Variants in HMCN1 observed in about 807,000 individuals in gnomAD.
HMCN1 encodes hemicentin-1.
In HMCN1, 321 loss-of-function variants were observed where a neutral mutation model predicts 625.9. The ratio of observed to expected loss-of-function variants is 0.51; its 90% CI spans 0.47 to 0.56. HMCN1 has a LOEUF of 0.56. Ranked by LOEUF, HMCN1 falls within the 20% of genes least tolerant of loss-of-function variation. The probability of loss-of-function intolerance (pLI) is 0.00; values close to 1 mark genes in which losing one functional copy is unlikely to be tolerated. For missense variants in HMCN1, 6,588 were observed against 6,887.3 expected (o/e 0.96, Z 1.54); for synonymous variants, 2,425 against 2,417.6 (o/e 1.00, Z -0.09).
At chr1:186,134,128 A>T (rs1296949592) in intron 86 of HMCN1, among the ~76,000 whole-genome samples, 1 of 152,184 alleles carries the variant, frequency 6.6e-6, no homozygotes, top group African/African-American at 2.4e-5. Context: ...AGTCAAAAAT[A>T]TAATTTGGTT....
Position 185,797,965 on chromosome 1 carries a change from C to CAAAAA in HMCN1, c.269-48034_269-48030dup, listed in dbSNP as rs35031310. On this transcript the variant is annotated intron_variant, in intron 1 of 106. Transcript: ENST00000271588. ...TGGGCGACAGAGCGAGACTCCGTCTCAAAAAAAAAAAAAAAAAAAAAAAAA... is the reference window on the plus strand; with the variant it reads ...TGGGCGACAGAGCGAGACTCCGTCTCAAAAAAAAAAAAAAAAAAAAAAAAAAAAAA... Among the ~76,000 whole-genome samples, 68 of 13,664 alleles carry CAAAAA rather than the reference C, an allele frequency of 5.0e-3. 12 individuals are homozygous for CAAAAA. The highest frequency in any genetic ancestry group is 0.021 in the East Asian group (8 of 376). 9.0% of individuals were successfully genotyped at this position (13,664 alleles called of 152,430 possible). A position where few individuals can be genotyped will look rare whatever the true frequency, so the allele number is the denominator to read the frequency against.
At chr1:186,121,179 C>CA (rs1416075678) in intron 80 of HMCN1, among the ~76,000 whole-genome samples, 1 of 152,004 alleles carries the variant, frequency 6.6e-6, no homozygotes, top group Non-Finnish European at 1.5e-5. Context: ...TGAGCAAGCC[C>CA]AAGGCAAGCA....
intron 97 of HMCN1, among the ~76,000 whole-genome samples, chr1:186,157,590 C>T (rs1373306262): frequency 3.3e-5 from 5 of 152,190 alleles, no homozygotes; most frequent in Non-Finnish European, 7.4e-5. Context: ...CACCCACTAA[C>T]TCCCCCCACC....
At chr1:186,156,330 A>G (rs1372938914) in intron 97 of HMCN1, among the ~76,000 whole-genome samples, 1 of 152,248 alleles carries the variant, frequency 6.6e-6, no homozygotes, top group Non-Finnish European at 1.5e-5. Context: ...CTTAATACAT[A>G]CAAAGGCGCT....
At chr1:186,173,159 C>A (rs1167363427) in intron 102 of HMCN1, among the ~76,000 whole-genome samples, 2 of 152,044 alleles carry the variant, frequency 1.3e-5, no homozygotes, top group Non-Finnish European at 2.9e-5. Context: ...TACAGTTTTT[C>A]TTTTAAAAAT....
Position 186,166,912 on chromosome 1 carries a change from C to G in HMCN1, c.15544C>G (p.Arg5182Gly). The change falls in exon 100 of 107, where the codon CGA (arginine) becomes GGA (glycine). Residue 5182 changes from arginine (R) to glycine (G), a missense_variant. Transcript: ENST00000271588. ...RCVVRCGSGF[R>G]RTSDGLSCQD... ...TGTGGTCCGTTGTGGAAGTGGCTTT[C>G]GAAGAACCTCTGATGGGCTGAGTTG... 3 of 1,614,058 alleles carry G rather than the reference C, an allele frequency of 1.9e-6. No individual in the cohort carries two copies. The highest frequency in any genetic ancestry group is 2.5e-6 in the Non-Finnish European group (3 of 1,179,992).
rs771591710 is a variant in HMCN1, at chr1:186,153,719, T to C, written c.15019-31T>C. The C allele has an allele frequency of 7.6e-6, 12 of 1,582,988 alleles. No individual in the cohort carries two copies. In the African/African-American group the frequency reaches 1.5e-4, roughly 20 times the overall value. ...GGGAAAAAAATTAGTATGAGCCATA[T>C]TGATCTTCAAATCCACATTGTTCTC... On this transcript the variant is annotated intron_variant, in intron 96 of 106. Coordinates refer to ENST00000271588, the MANE Select transcript of HMCN1 (RefSeq NM_031935.3).
At chr1:186,116,227 G>A (rs1311342045) in intron 75 of HMCN1, among the ~76,000 whole-genome samples, 1 of 152,036 alleles carries the variant, frequency 6.6e-6, no homozygotes, top group Non-Finnish European at 1.5e-5. Flanking sequence ...GAATTAAAAG[G>A]TGTGTCAAAT....
At chr1:185,838,031 C>A (rs981464675) in intron 1 of HMCN1, among the ~76,000 whole-genome samples, 1 of 152,190 alleles carries the variant, frequency 6.6e-6, no homozygotes, top group African/African-American at 2.4e-5. Context: ...GGCATGGAGA[C>A]TGAGAGGGAG....
intron 2 of HMCN1, among the ~76,000 whole-genome samples, chr1:185,849,186 G>A (rs1662013979): frequency 6.6e-6 from 1 of 152,058 alleles, no homozygotes; most frequent in African/African-American, 2.4e-5. Context: ...CTTGCATAGA[G>A]CTTCCCCATA....
intron 45 of HMCN1, among the ~76,000 whole-genome samples, chr1:186,057,003 A>G (rs1465069807): frequency 2.0e-5 from 3 of 150,876 alleles, no homozygotes; most frequent in Admixed American, 1.3e-4. Context: ...AGATTGAGGA[A>G]GAAGTGACAT....
chr1:186,135,795 T>G (rs941683968), intron 86 of HMCN1, among the ~76,000 whole-genome samples: 1 of 152,208 alleles, frequency 6.6e-6, no homozygotes. Flanking sequence ...AGTGGCATGC[T>G]TTTGTTTGAT....
In HMCN1 at chr1:186,123,170, C is replaced by G; in HGVS notation, c.12449C>G (p.Ala4150Gly). The G allele has an allele frequency of 6.2e-7, 1 of 1,614,000 alleles. No homozygotes were observed. Among genetic ancestry groups the G allele is most frequent in the Non-Finnish European group, 8.5e-7 (1 of 1,179,942 alleles). The change falls in exon 81 of 107, where the codon GCA (alanine) becomes GGA (glycine). Residue 4150 changes from alanine (A) to glycine (G), a missense_variant. Physicochemically the swap from Ala to Gly is moderately conservative, Grantham distance 60 (BLOSUM62 0). This residue lies in a region of HMCN1 where 1,954 missense variants were observed against 2,013.1 expected (regional missense o/e 0.97). Transcript: ENST00000271588. ...GATGCTGGCCATTACACGTGCATGG[C>G]AGCCAATGTAGCAGGATCAAGCAGC... is the stretch of plus-strand genomic sequence containing the variant. ...PGDAGHYTCM[A>G]ANVAGSSSTS... is the part of the protein sequence containing the mutation.
At chr1:185,924,206 T>C (rs1667147615) in intron 8 of HMCN1, among the ~76,000 whole-genome samples, 3 of 140,902 alleles carry the variant, frequency 2.1e-5, no homozygotes, top group Middle Eastern at 3.7e-3. Context: ...GACTGAACTC[T>C]GACCCAATCT....
At chr1:186,063,066 G>GTATATATATATATATATATATA (rs1491400415) in intron 48 of HMCN1, among the ~76,000 whole-genome samples, 1 of 29,940 alleles carries the variant, frequency 3.3e-5, no homozygotes, top group Non-Finnish European at 6.0e-5. Flanking sequence ...GTGTGTGTGT[G>GTATATATATATATATATATATA]CATATATATA....
At chr1:186,100,737 CACAGT>C (rs143963096) in intron 68 of HMCN1, among the ~76,000 whole-genome samples, 14 of 152,240 alleles carry the variant, frequency 9.2e-5, no homozygotes, top group Admixed American at 3.3e-4. Flanking sequence ...GTGGGTTAAA[CACAGT>C]ACTTCTGTTT....
Position 186,171,406 on chromosome 1 carries a change from G to A in HMCN1, c.15644G>A (p.Cys5215Tyr). Residue 5215 changes from cysteine to tyrosine, a missense_variant, in exon 101 of 107, where the codon TGT becomes TAT. This residue lies in a region of HMCN1 where 1,954 missense variants were observed against 2,013.1 expected (regional missense o/e 0.97). Coordinates refer to ENST00000271588, the MANE Select transcript of HMCN1 (RefSeq NM_031935.3). ...RCFNAIGSFH[C>Y]GCEPGYQLKG... ...TTCAATGCCATAGGAAGTTTCCATT[G>A]TGGATGTGAACCTGGGTATCAGCTC... 6.2e-7 allele frequency: 1 copy of A among 1,613,494 alleles called. No individual in the cohort carries two copies. The highest frequency in any genetic ancestry group is 8.5e-7 in the Non-Finnish European group (1 of 1,179,512).
intron 14 of HMCN1, among the ~76,000 whole-genome samples, chr1:185,968,270 C>T (rs1357988228): frequency 6.6e-6 from 1 of 151,964 alleles, no homozygotes; most frequent in African/African-American, 2.4e-5. Context: ...AGTGGAGAAG[C>T]AAATATGAGC....
At chr1:186,003,179 G>C (rs1653311295) in intron 28 of HMCN1, among the ~76,000 whole-genome samples, 1 of 152,102 alleles carries the variant, frequency 6.6e-6, no homozygotes. Flanking sequence ...GGGACGACTA[G>C]ACAGGGAAGT....
Sources: gnomAD v4.1 joint callset for allele counts (sites outside exome capture counted in the v4.1 genomes callset) on GRCh38, gnomAD v4.1.1 for gene constraint, gnomAD v4.1.1 regional missense constraint, MANE v1.5 for transcripts, NCBI Gene and HGNC (gene_info 2026-07-23, HGNC 2026-07-21) for gene names.